Variants in DAB1 observed in about 807,000 individuals in gnomAD.
DAB1 encodes the protein DAB adaptor protein 1, also known as disabled homolog 1.
DAB1 carries 15 observed loss-of-function variants against 64.6 expected under a neutral mutation model. That is an observed-to-expected ratio of 0.23 (90% confidence interval 0.16 to 0.36). The LOEUF is 0.36. Among genes scored for constraint, DAB1 ranks in the 10% least tolerant of loss-of-function variants. The pLI is 1.00. For missense variants in DAB1, 596 were observed against 706.7 expected, an observed-to-expected ratio of 0.84 and a Z score of 1.78; for synonymous variants, 235 against 251.9, an observed-to-expected ratio of 0.93 and a Z score of 0.64.
At chr1:58,117,565 G>C (rs773568011) in intron 5 of DAB1, among the ~76,000 whole-genome samples, 1 of 152,112 alleles carries the variant, frequency 6.6e-6, no homozygotes, top group Non-Finnish European at 1.5e-5. Context: ...GCTTCATTGC[G>C]TGGCTTCAAA....
chr1:57,207,375 C>T (rs1665650421), intron 2 of DAB1, among the ~76,000 whole-genome samples: 1 of 150,846 alleles, frequency 6.6e-6, no homozygotes, highest in Non-Finnish European at 1.5e-5. Context: ...AAAGAAAGAG[C>T]AGAAAATACT....
intron 6 of DAB1, among the ~76,000 whole-genome samples, chr1:57,670,214 T>C (rs1240350398): frequency 1.3e-5 from 2 of 152,136 alleles, no homozygotes; most frequent in Non-Finnish European, 2.9e-5. Context: ...TTTGCAATAA[T>C]GTTGTTAGGT....
chr1:58,227,959 C>T (rs1302570561), intron 4 of DAB1, among the ~76,000 whole-genome samples: 1 of 152,208 alleles, frequency 6.6e-6, no homozygotes, highest in Non-Finnish European at 1.5e-5. Context: ...TTGGAGATCA[C>T]ATACCTGATG....
Position 57,612,260 on chromosome 1 carries a change from G to C in DAB1, n.625+37332C>G, listed in dbSNP as rs144782131. ...GTGTGTGTAAATTTAGTTGTTCACT[G>C]TCTGTCCCTGTAGTAGGGTAAATAA... On this transcript the variant is annotated intron_variant and non_coding_transcript_variant, in intron 7 of 20. Transcript: ENST00000485760. Among the ~76,000 whole-genome samples the C allele has an allele frequency of 1.1e-4, 17 of 151,988 alleles. No homozygotes were observed. In the South Asian group the frequency reaches 1.7e-3, roughly 15 times the overall value.
intron 1 of DAB1, among the ~76,000 whole-genome samples, chr1:57,859,967 G>C (rs1458900913): frequency 6.6e-6 from 1 of 152,174 alleles, no homozygotes; most frequent in Admixed American, 6.5e-5. Flanking sequence ...TTGCATTTGT[G>C]TTCTGATCTT....
chr1:57,589,267 AAG>A (rs1247667881), intron 7 of DAB1, among the ~76,000 whole-genome samples: 1 of 152,210 alleles, frequency 6.6e-6, no homozygotes, highest in Non-Finnish European at 1.5e-5. Context: ...TCATTTCAAA[AAG>A]AGAAACCAGA....
intron 6 of DAB1, among the ~76,000 whole-genome samples, chr1:57,736,452 G>A (rs116164705): frequency 0.012 from 1,886 of 152,290 alleles, 30 homozygotes; most frequent in African/African-American, 0.044. Context: ...CATATGAGAG[G>A]AAAATTGATT....
At chr1:58,371,315 A>G (rs970290038) in intron 3 of DAB1, among the ~76,000 whole-genome samples, 2 of 152,166 alleles carry the variant, frequency 1.3e-5, no homozygotes, top group African/African-American at 4.8e-5. Context: ...TGAACTTGAG[A>G]GAGATGATTA....
chr1:57,262,763 G>T (rs958374394), intron 2 of DAB1, among the ~76,000 whole-genome samples: 2 of 152,112 alleles, frequency 1.3e-5, no homozygotes, highest in Non-Finnish European at 2.9e-5. Flanking sequence ...GAGTACAATG[G>T]GCAGGAGCAC....
chr1:58,002,190 T>TGATACACTGATCTTGAGCTG (rs1201886952), intron 5 of DAB1, among the ~76,000 whole-genome samples: 3 of 152,224 alleles, frequency 2.0e-5, no homozygotes, highest in African/African-American at 7.2e-5. Context: ...CACAGGCAAC[T>TGATACACTGATCTTGAGCTG]GATACACTGA....
At chr1:57,711,173 T>C (rs938637178) in intron 6 of DAB1, among the ~76,000 whole-genome samples, 2 of 152,208 alleles carry the variant, frequency 1.3e-5, no homozygotes, top group Non-Finnish European at 2.9e-5. Context: ...ATTAGTTTTA[T>C]CAATGCAGCT....
At chr1:58,067,809 G>A (rs1219120715) in intron 5 of DAB1, among the ~76,000 whole-genome samples, 2 of 152,184 alleles carry the variant, frequency 1.3e-5, no homozygotes, top group Non-Finnish European at 2.9e-5. Flanking sequence ...TGAGTGGGGG[G>A]TAATGAGTGT....
chr1:57,522,910 A>G (rs1644546153), intron 7 of DAB1, among the ~76,000 whole-genome samples: 1 of 152,176 alleles, frequency 6.6e-6, no homozygotes, highest in Non-Finnish European at 1.5e-5. Flanking sequence ...TCAGACTCCA[A>G]GTTCTTCGGC....
intron 5 of DAB1, among the ~76,000 whole-genome samples, chr1:58,135,941 T>TA (rs35724372): frequency 0.026 from 3,926 of 152,202 alleles, 82 homozygotes; most frequent in Admixed American, 0.058. Context: ...GCCATTCAGT[T>TA]ACCCTCTCTG....
At chr1:57,256,985 G>A (rs959825241) in intron 2 of DAB1, among the ~76,000 whole-genome samples, 1 of 152,172 alleles carries the variant, frequency 6.6e-6, no homozygotes, top group Non-Finnish European at 1.5e-5. Context: ...GAATTTTAGG[G>A]TTGGCATTTA....
intron 7 of DAB1, among the ~76,000 whole-genome samples, chr1:57,558,912 T>C (rs760682751): frequency 7.2e-5 from 11 of 152,192 alleles, no homozygotes; most frequent in South Asian, 2.1e-4. Context: ...CCTTGACCAA[T>C]GCCTTGTGAA....
chr1:57,625,141 T>A lies in DAB1; in HGVS notation n.625+24451A>T, dbSNP rs79086095. 4.7e-4 allele frequency among the ~76,000 whole-genome samples: 72 copies of A among 152,266 alleles called. No homozygotes were observed. In the East Asian group the frequency reaches 0.012, roughly 26 times the overall value. Reference sequence around the variant, plus strand: ...TCCACAACAACCTTCTCTCCCATGGTCCTTTTCTCCCTACTTCCCTCCTTT... The same window carrying A: ...TCCACAACAACCTTCTCTCCCATGGACCTTTTCTCCCTACTTCCCTCCTTT... On this transcript the variant is annotated intron_variant and non_coding_transcript_variant, in intron 7 of 20. Coordinates refer to the DAB1 transcript ENST00000485760.
intron 7 of DAB1, among the ~76,000 whole-genome samples, chr1:57,581,631 G>A (rs17116060): frequency 0.033 from 4,965 of 150,718 alleles, 309 homozygotes; most frequent in African/African-American, 0.12. Context: ...TGAAATACAC[G>A]AAATATTTAT....
chr1:57,948,075 C>G (rs1324566303), intron 5 of DAB1, among the ~76,000 whole-genome samples: 1 of 152,192 alleles, frequency 6.6e-6, no homozygotes, highest in Admixed American at 6.5e-5. Context: ...CAACTTCTGC[C>G]TCTCACCTGC....
Sources: allele counts gnomAD v4.1 joint callset (sites outside exome capture counted in the v4.1 genomes callset), GRCh38; gene constraint gnomAD v4.1.1; transcripts MANE v1.5; gene names NCBI Gene and HGNC (gene_info 2026-07-23, HGNC 2026-07-21).